SPTAN1: variants seen among roughly 807,000 people sequenced by gnomAD.
SPTAN1 encodes spectrin alpha, non-erythrocytic 1.
SPTAN1 carries 61 observed loss-of-function variants against 331.3 expected under a neutral mutation model. The observed-to-expected ratio is 0.18, with a 90% CI of 0.15 to 0.23. The LOEUF (loss-of-function observed/expected upper bound fraction) is 0.23, where lower values mean the gene tolerates loss of function less well. Among genes scored for constraint, SPTAN1 ranks in the 10% least tolerant of loss-of-function variants. SPTAN1 has a pLI of 1.00. For missense variants in SPTAN1, 2,043 were observed against 3,147.9 expected, an observed-to-expected ratio of 0.65 and a Z score of 8.40; for synonymous variants, 1,153 against 1,173.9, an observed-to-expected ratio of 0.98 and a Z score of 0.36.
chr9:128,633,609 C>G lies in SPTAN1; in HGVS notation c.*275C>G. Reference sequence around the variant, plus strand: ...TCCTCCCCTTGTTCTCTCTCCCACCCTCCCCCAAATCTGTTTTCATGTAAA... The same window carrying G: ...TCCTCCCCTTGTTCTCTCTCCCACCGTCCCCCAAATCTGTTTTCATGTAAA... On this transcript the variant is annotated 3_prime_UTR_variant, in exon 57 of 57. Coordinates refer to ENST00000372739, the MANE Select transcript of SPTAN1 (RefSeq NM_001130438.3). The G allele has an allele frequency of 3.3e-6, 4 of 1,200,646 alleles. No individual in the cohort carries two copies. Among genetic ancestry groups the G allele is most frequent in the Non-Finnish European group, 4.7e-6 (4 of 851,640 alleles). 74.4% of individuals were successfully genotyped at this position (1,200,646 alleles called of 1,614,324 possible).
intron 54 of SPTAN1, 32 bp downstream of exon 54, chr9:128,632,516 G>T (rs766064385): frequency 1.9e-6 from 3 of 1,613,986 alleles, no homozygotes; most frequent in Admixed American, 1.7e-5. Flanking sequence ...CTGGCTGGGT[G>T]GGGGGTGTTC....
chr9:128,624,669 C>A, intron 46 of SPTAN1, 182 bp downstream of exon 46: 1 of 722,230 alleles, frequency 1.4e-6, no homozygotes, highest in Non-Finnish European at 2.3e-6. Context: ...GCCAGAACTG[C>A]CACCCGGAAC....
rs138305416 is a variant in SPTAN1 at position 128,625,897 on chromosome 9, C to T, written c.6198C>T (p.Leu2066=). Residue 2066 remains leucine (L), a synonymous_variant, in exon 48 of 57, where the codon CTC becomes CTT. Coordinates refer to ENST00000372739, the MANE Select transcript of SPTAN1 (RefSeq NM_001130438.3). The surrounding 1 kb of genome is among the most constrained non-coding windows in gnomAD (Gnocchi z 4.1). ...SKAIEARHAS[L]MKRWSQLLAN... Reference sequence around the variant, plus strand: ...CCATCGAGGCCCGGCACGCCTCCCTCATGAAGAGGTGGAGCCAGCTTCTGG... The same window carrying T: ...CCATCGAGGCCCGGCACGCCTCCCTTATGAAGAGGTGGAGCCAGCTTCTGG... 2 of 1,614,232 alleles carry T rather than the reference C, an allele frequency of 1.2e-6. No homozygotes were observed. Among genetic ancestry groups the T allele is most frequent in the Non-Finnish European group, 1.7e-6 (2 of 1,180,044 alleles).
intron 1 of SPTAN1, among the ~76,000 whole-genome samples, chr9:128,563,715 CT>C (rs532597370): frequency 0.033 from 4,447 of 133,464 alleles, 139 homozygotes; most frequent in African/African-American, 0.11. Flanking sequence ...TCAACCATTT[CT>C]TTTTTTTTTT....
At chr9:128,621,095 C>T (rs567417206) in intron 44 of SPTAN1, 63 bp from the exon 45 acceptor site, 37 of 1,473,280 alleles carry the variant, frequency 2.5e-5, no homozygotes, top group Non-Finnish European at 3.2e-5. Flanking sequence ...TCTCTGTCCC[C>T]GGGGCCTAGC....
At chr9:128,598,051 C>T (rs557558599) in intron 24 of SPTAN1, among the ~76,000 whole-genome samples, 6 of 152,268 alleles carry the variant, frequency 3.9e-5, no homozygotes, top group East Asian at 1.9e-4. Context: ...CGGGTTCAAG[C>T]GATTCTCCTG....
Position 128,577,141 on chromosome 9 carries a change from G to A in SPTAN1, c.798G>A (p.Glu266=), listed in dbSNP as rs1164184480. 1 of 1,614,154 alleles carries A rather than the reference G, an allele frequency of 6.2e-7. No homozygotes were observed. Residue 266 remains glutamate, a synonymous_variant, in exon 7 of 57, where the codon GAG becomes GAA. Transcript: ENST00000372739. The surrounding 1 kb of genome is among the most constrained non-coding windows in gnomAD (Gnocchi z 4.2). The stretch of plus-strand genomic sequence containing the variant: ...CTTTGTTCTGTAGGGATGTGGATGA[G>A]ACTATCAGTTGGATTAAGGAAAAGG... The part of the protein sequence containing the change: ...EVQRFNRDVD[E]TISWIKEKEQ...
intron 37 of SPTAN1, 162 bp from the exon 38 acceptor site, chr9:128,611,552 A>C: frequency 1.2e-6 from 1 of 808,474 alleles, no homozygotes; most frequent in Non-Finnish European, 2.0e-6. Context: ...GATGAACCCT[A>C]AAATATTTCA....
chr9:128,560,871 T>C (rs1849236339), intron 1 of SPTAN1, among the ~76,000 whole-genome samples: 1 of 150,648 alleles, frequency 6.6e-6, no homozygotes, highest in South Asian at 2.1e-4. Context: ...CAAAAATTAG[T>C]CGCGTGTGGT....
chr9:128,599,734 C>G, intron 26 of SPTAN1: 2 of 168,828 alleles, frequency 1.2e-5, no homozygotes, highest in Non-Finnish European at 1.2e-5. Flanking sequence ...TTTTCTAAAA[C>G]TTTTTCTATA....
chr9:128,615,282 T>C (rs189317937), intron 40 of SPTAN1, among the ~76,000 whole-genome samples: 62 of 152,266 alleles, frequency 4.1e-4, no homozygotes, highest in African/African-American at 1.4e-3. Context: ...TCACTGCCTT[T>C]TTAAGGACAT....
At chr9:128,568,050 A>G (rs892871969) in intron 2 of SPTAN1, among the ~76,000 whole-genome samples, 1 of 152,108 alleles carries the variant, frequency 6.6e-6, no homozygotes, top group Non-Finnish European at 1.5e-5. Flanking sequence ...GCGTGAGCCA[A>G]TGCACTCGGC....
chr9:128,580,466 G>A (rs1851811511), intron 10 of SPTAN1, among the ~76,000 whole-genome samples: 1 of 151,726 alleles, frequency 6.6e-6, no homozygotes, highest in South Asian at 2.1e-4. Flanking sequence ...GTATTACATA[G>A]AGTAAAGACA....
Position 128,633,313 on chromosome 9 carries a change from C to G in SPTAN1, c.7413C>G (p.Thr2471=), listed in dbSNP as rs1178369660. 6.2e-7 allele frequency: 1 copy of G among 1,613,878 alleles called. No homozygotes were observed. The highest frequency in any genetic ancestry group is 2.2e-5 in the East Asian group (1 of 44,894). The part of the protein sequence containing the change: ...LPTAFDYVEF[T]RSLFVN Reference sequence around the variant, plus strand: ...CCGCGTTCGACTACGTGGAGTTCACCCGCTCGCTTTTCGTGAACTGAGCCA... The same window carrying G: ...CCGCGTTCGACTACGTGGAGTTCACGCGCTCGCTTTTCGTGAACTGAGCCA... The change falls in exon 57 of 57, where the codon ACC becomes ACG. Residue 2471 remains threonine, a synonymous_variant. Coordinates refer to ENST00000372739, the MANE Select transcript of SPTAN1 (RefSeq NM_001130438.3).
intron 52 of SPTAN1, chr9:128,631,310 T>G (rs1022474170): frequency 6.6e-6 from 1 of 152,092 alleles, no homozygotes; most frequent in Non-Finnish European, 1.5e-5. Context: ...ATACAAAATA[T>G]TAGCTGGGTG....
intron 1 of SPTAN1, among the ~76,000 whole-genome samples, chr9:128,561,128 G>C (rs1342567835): frequency 6.8e-6 from 1 of 148,140 alleles, no homozygotes; most frequent in Non-Finnish European, 1.5e-5. Flanking sequence ...CCAGCACTTT[G>C]GGAGGCCGAG....
intron 10 of SPTAN1, among the ~76,000 whole-genome samples, chr9:128,580,527 C>A (rs970133695): frequency 6.6e-5 from 10 of 151,960 alleles, no homozygotes; most frequent in African/African-American, 2.4e-4. Context: ...TAGGGAGTTT[C>A]TGAATTTATT....
At chr9:128,555,517 C>A in intron 1 of SPTAN1, 1 of 712,024 alleles carries the variant, frequency 1.4e-6, no homozygotes, top group Non-Finnish European at 2.0e-6. Context: ...AAAACCCTGC[C>A]TGCATGACGT....
intron 45 of SPTAN1, among the ~76,000 whole-genome samples, 194 bp downstream of exon 45, chr9:128,621,450 C>T (rs1310986176): frequency 6.6e-6 from 1 of 152,202 alleles, no homozygotes; most frequent in Non-Finnish European, 1.5e-5. Flanking sequence ...TAAAGTTATT[C>T]TGCAGTGCTT....
Sources: allele counts gnomAD v4.1 joint callset (sites outside exome capture counted in the v4.1 genomes callset), GRCh38; gene constraint gnomAD v4.1.1; non-coding constraint Gnocchi (gnomAD v3.1); transcripts MANE v1.5; gene names NCBI Gene and HGNC (gene_info 2026-07-23, HGNC 2026-07-21).